The following ERC1 variants were observed in gnomAD, a reference collection of about 807,000 sequenced individuals.
The protein encoded by ERC1 is ELKS/RAB6-interacting/CAST family member 1.
Under a neutral mutation model 132.0 loss-of-function variants are expected in ERC1, and 56 were observed. The ratio of observed to expected loss-of-function variants is 0.42; its 90% CI spans 0.34 to 0.53. The LOEUF (loss-of-function observed/expected upper bound fraction) is 0.53. ERC1 is among the 20% of genes least tolerant of loss of function. The pLI is 0.03. For synonymous variants in ERC1, 478 were observed against 476.1 expected (o/e 1.00, Z -0.05); for missense variants, 1,202 against 1,349.9 (o/e 0.89, Z 1.72).
At chr12:1,377,588 G>T (rs16928381) in intron 16 of ERC1, among the ~76,000 whole-genome samples, 1 of 151,936 alleles carries the variant, frequency 6.6e-6, no homozygotes, top group Admixed American at 6.6e-5. Context: ...TGTTGTTAGC[G>T]AAAAGAAAAT....
intron 12 of ERC1, among the ~76,000 whole-genome samples, chr12:1,203,785 G>C (rs1003125360): frequency 6.6e-6 from 1 of 152,232 alleles, no homozygotes; most frequent in African/African-American, 2.4e-5. Context: ...GCTACATGCT[G>C]TGCAGGAATA....
At chr12:1,386,824 T>C (rs1357902902) in intron 16 of ERC1, 1 of 151,812 alleles carries the variant, frequency 6.6e-6, no homozygotes, top group African/African-American at 2.4e-5. Flanking sequence ...CCTGCAGGAG[T>C]AACTGCTCTA....
chr12:1,238,505 A>G (rs890545863), intron 13 of ERC1, among the ~76,000 whole-genome samples: 5 of 152,274 alleles, frequency 3.3e-5, no homozygotes, highest in African/African-American at 9.6e-5. Context: ...TTTATAGGGA[A>G]TTATTTCATT....
At chr12:1,470,462 TC>T (rs2093838160) in intron 18 of ERC1, among the ~76,000 whole-genome samples, 1 of 151,808 alleles carries the variant, frequency 6.6e-6, no homozygotes, top group Non-Finnish European at 1.5e-5. Context: ...TTTTTTTTTT[TC>T]TTCATCTTCT....
chr12:1,376,734 GA>G (rs1477508109), intron 16 of ERC1, among the ~76,000 whole-genome samples: 8 of 152,150 alleles, frequency 5.3e-5, no homozygotes, highest in Admixed American at 5.2e-4. Flanking sequence ...ATTAGAATTA[GA>G]ATAATACAAA....
intron 12 of ERC1, among the ~76,000 whole-genome samples, chr12:1,198,060 A>G (rs1956507606): frequency 1.3e-5 from 2 of 151,648 alleles, no homozygotes; most frequent in Admixed American, 1.3e-4. Context: ...TGGGTAGCTG[A>G]GACTAGAGGT....
chr12:1,147,499 T>C (rs1950488341), intron 8 of ERC1, among the ~76,000 whole-genome samples: 1 of 152,198 alleles, frequency 6.6e-6, no homozygotes, highest in Admixed American at 6.6e-5. Flanking sequence ...TATATTTTTC[T>C]CCCATTGTGC....
chr12:1,370,725 T>G (rs955589259), intron 15 of ERC1, among the ~76,000 whole-genome samples: 3 of 152,192 alleles, frequency 2.0e-5, no homozygotes, highest in African/African-American at 7.2e-5. Context: ...TTAACAATTT[T>G]TATTTATTCT....
intron 8 of ERC1, 74 bp downstream of exon 8, chr12:1,141,861 A>T: frequency 1.7e-6 from 2 of 1,197,694 alleles, no homozygotes; most frequent in Non-Finnish European, 2.2e-6. Context: ...GTTATTTCTA[A>T]ATGCTGTCAG....
intron 7 of ERC1, among the ~76,000 whole-genome samples, chr12:1,136,336 C>G (rs985171405): frequency 6.6e-6 from 1 of 152,212 alleles, no homozygotes; most frequent in Non-Finnish European, 1.5e-5. Flanking sequence ...ATCTTCCTCA[C>G]CAGCCATCTT....
intron 14 of ERC1, among the ~76,000 whole-genome samples, chr12:1,269,549 C>T (rs151184053): frequency 1.5e-4 from 23 of 152,084 alleles, no homozygotes; most frequent in African/African-American, 5.1e-4. Flanking sequence ...TTAAAGAGGG[C>T]GTGACATCAT....
At chr12:1,483,491 T>C (rs10848486) in intron 18 of ERC1, among the ~76,000 whole-genome samples, 58,456 of 151,884 alleles carry the variant, frequency 0.38, 12,875 homozygotes, top group African/African-American at 0.61. Flanking sequence ...ATTTTTCCCT[T>C]CTTAAGGTCG....
At chr12:1,340,082 G>T (rs1049883982) in intron 15 of ERC1, among the ~76,000 whole-genome samples, 1 of 152,250 alleles carries the variant, frequency 6.6e-6, no homozygotes, top group East Asian at 1.9e-4. Flanking sequence ...GCGTGTGACC[G>T]TGGGGGCCAG....
intron 8 of ERC1, among the ~76,000 whole-genome samples, chr12:1,154,549 T>C (rs1352049159): frequency 6.6e-6 from 1 of 151,740 alleles, no homozygotes; most frequent in East Asian, 1.9e-4. Context: ...AAAATAAAAA[T>C]GAATAAATGG....
chr12:1,293,637 A>G (rs2079667501), intron 15 of ERC1, among the ~76,000 whole-genome samples: 1 of 152,172 alleles, frequency 6.6e-6, no homozygotes, highest in Admixed American at 6.5e-5. Flanking sequence ...CTCAAAAAAA[A>G]AAAAAAAATT....
intron 12 of ERC1, among the ~76,000 whole-genome samples, chr12:1,196,016 T>C (rs1332707350): frequency 1.3e-5 from 2 of 151,984 alleles, no homozygotes; most frequent in African/African-American, 2.4e-5. Context: ...TTTGTCTACC[T>C]CATACCTTCC....
At chr12:1,363,117 G>A (rs960493723) in intron 15 of ERC1, among the ~76,000 whole-genome samples, 5 of 152,142 alleles carry the variant, frequency 3.3e-5, no homozygotes, top group Admixed American at 2.0e-4. Context: ...CCCTGGCAAC[G>A]ACTGATCTGC....
At chr12:1,133,803 C>CT (rs753009029) in intron 7 of ERC1, among the ~76,000 whole-genome samples, 1 of 152,170 alleles carries the variant, frequency 6.6e-6, no homozygotes, top group Non-Finnish European at 1.5e-5. Flanking sequence ...CCCCATGCCT[C>CT]TCCCTGTTCC....
chr12:1,330,419 CCTCA>C (rs1273436925), intron 15 of ERC1, among the ~76,000 whole-genome samples: 2 of 151,788 alleles, frequency 1.3e-5, no homozygotes, highest in Admixed American at 6.6e-5. Context: ...GCCTGTTTTC[CCTCA>C]CTCCTTCTCC....
Sources: allele counts gnomAD v4.1 joint callset (sites outside exome capture counted in the v4.1 genomes callset), GRCh38; gene constraint gnomAD v4.1.1; transcripts MANE v1.5; gene names NCBI Gene and HGNC (gene_info 2026-07-23, HGNC 2026-07-21).